The following TRIM8 variants were observed in gnomAD, a reference collection of about 807,000 sequenced individuals.
The protein encoded by TRIM8 is tripartite motif containing 8, also known as E3 ubiquitin-protein ligase TRIM8.
A neutral mutation model predicts 55.7 loss-of-function variants in TRIM8; 9 were observed. The observed-to-expected ratio is 0.16, with a 90% CI of 0.10 to 0.28. The LOEUF is 0.28. Ranked by LOEUF, TRIM8 falls within the 10% of genes least tolerant of loss-of-function variation. The pLI is 1.00. For synonymous variants in TRIM8, 335 were observed against 333.3 expected, an observed-to-expected ratio of 1.01 and a Z score of -0.06; for missense variants, 556 against 736.4, an observed-to-expected ratio of 0.76 and a Z score of 2.83.
At position 102,644,571 on chromosome 10, in the gene TRIM8, G is replaced by T. The variant is rs746204940; in HGVS notation, c.-47G>T. On this transcript the variant is annotated 5_prime_UTR_variant, in exon 1 of 6. Transcript: ENST00000643721. ...CAGCGGCTCCGGACGGACCCCCGGGGCTGGGGAGTCGGGGAGGCCTGCCCC... is the reference window on the plus strand; with the variant it reads ...CAGCGGCTCCGGACGGACCCCCGGGTCTGGGGAGTCGGGGAGGCCTGCCCC... 87 of 1,576,650 alleles carry T rather than the reference G, an allele frequency of 5.5e-5. 2 individuals are homozygous for T. The South Asian group carries it at 9.8e-4, about 18-fold the overall frequency.
intron 1 of TRIM8, among the ~76,000 whole-genome samples, chr10:102,647,822 T>C (rs1273812286): frequency 6.6e-6 from 1 of 152,200 alleles, no homozygotes; most frequent in African/African-American, 2.4e-5. Context: ...GTCAACTGGC[T>C]AGAAATAGGA....
Position 102,657,940 on chromosome 10 carries a change from C to T in TRIM8, c.*586C>T, listed in dbSNP as rs2064042678. On this transcript the variant is annotated 3_prime_UTR_variant, in exon 6 of 6. Transcript: ENST00000643721. ...CTTCCCAGACGGAGTTCAAAGGCCA[C>T]TTCTCAAGCAGCTTTTGGCACCTTC... 4 of 152,648 alleles carry T rather than the reference C, an allele frequency of 2.6e-5. No homozygotes were observed. In the South Asian group the frequency reaches 6.2e-4, roughly 24 times the overall value. 9.5% of individuals were successfully genotyped at this position (152,648 alleles called of 1,614,324 possible).
rs1458324018 is a variant in TRIM8, at chr10:102,657,794, T to C, written c.*440T>C. 6.2e-6 allele frequency: 1 copy of C among 160,418 alleles called. No individual in the cohort carries two copies. Among genetic ancestry groups the C allele is most frequent in the Admixed American group, 6.2e-5 (1 of 16,170 alleles). The allele number at this position is 160,418 out of a possible 1,614,324, so 9.9% of individuals were successfully genotyped here. ...GGCTTGTTTCTCCTCTTGTTTTCCT[T>C]TTGGGCAGTTTGATCACTGATCGAG... On this transcript the variant is annotated 3_prime_UTR_variant, in exon 6 of 6. Coordinates refer to ENST00000643721, the MANE Select transcript of TRIM8 (RefSeq NM_030912.3).
In TRIM8 at chr10:102,656,568, C is replaced by T; in HGVS notation, c.1049-179C>T. 1 of 1,306,130 alleles carries T rather than the reference C, an allele frequency of 7.7e-7. No individual in the cohort carries two copies. The highest frequency in any genetic ancestry group is 2.7e-4 in the Middle Eastern group (1 of 3,642). The allele number at this position is 1,306,130 out of a possible 1,614,324, so 80.9% of individuals were successfully genotyped here. A position where few individuals can be genotyped will look rare whatever the true frequency, so the allele number is the denominator to read the frequency against. ...ATGACCTCCCCAGCCTCCATTTCTT[C>T]AGCTTAAAGTGGGGATATAACTATT... is the stretch of plus-strand genomic sequence containing the variant. On this transcript the variant is annotated intron_variant, in intron 5 of 5. Coordinates refer to ENST00000643721, the MANE Select transcript of TRIM8 (RefSeq NM_030912.3). This position sits in a 1 kb window ranked among gnomAD's most constrained non-coding sequence, Gnocchi z 4.6.
intron 1 of TRIM8, 120 bp downstream of exon 1, chr10:102,645,307 C>A: frequency 8.6e-7 from 1 of 1,160,738 alleles, no homozygotes; most frequent in Non-Finnish European, 1.2e-6. Context: ...GGCCAGTGGC[C>A]CCTGGCCAAA....
rs747150406 is a variant in TRIM8, at chr10:102,656,994, C to G, written c.1296C>G (p.Ala432=). ...TQHLVALPGG[A]QPVHSSPVFP... ...ACTTGGTGGCCCTGCCGGGCGGCGC[C>G]CAACCAGTGCACTCAAGCCCCGTGT... Residue 432 remains alanine, a synonymous_variant, in exon 6 of 6, where the codon GCC becomes GCG. Coordinates refer to ENST00000643721, the MANE Select transcript of TRIM8 (RefSeq NM_030912.3). This position sits in a 1 kb window ranked among gnomAD's most constrained non-coding sequence, Gnocchi z 4.6. 4 of 1,612,542 alleles carry G rather than the reference C, an allele frequency of 2.5e-6. No homozygotes were observed. The highest frequency in any genetic ancestry group is 3.4e-6 in the Non-Finnish European group (4 of 1,179,790).
In TRIM8 at chr10:102,657,361, G is replaced by C; in HGVS notation, c.*7G>C. ...ACACTACGTGACGAGCTAACGCCACGCAGGCGGCGGGGCGCTGGGGAATCT... is the reference window on the plus strand; with the variant it reads ...ACACTACGTGACGAGCTAACGCCACCCAGGCGGCGGGGCGCTGGGGAATCT... On this transcript the variant is annotated 3_prime_UTR_variant, in exon 6 of 6. Transcript: ENST00000643721. 6.5e-7 allele frequency: 1 copy of C among 1,548,878 alleles called. No homozygotes were observed. Among genetic ancestry groups the C allele is most frequent in the African/African-American group, 1.4e-5 (1 of 73,364 alleles).
rs527396152 is a variant in TRIM8, at chr10:102,646,356, T to C, written c.570+1169T>C. ...ACTCTGGTGGGACTGGGAGTGTCTC[T>C]GGGTGGGGATCCCTGGAGGTTAGTG... On this transcript the variant is annotated intron_variant, in intron 1 of 5. Coordinates refer to ENST00000643721, the MANE Select transcript of TRIM8 (RefSeq NM_030912.3). 7.1e-4 allele frequency among the ~76,000 whole-genome samples: 108 copies of C among 152,250 alleles called. 1 individual carries two copies. Among genetic ancestry groups the C allele is most frequent in the Non-Finnish European group, 1.4e-3 (92 of 68,008 alleles).
chr10:102,645,292 C>A (rs1239817689), intron 1 of TRIM8, 105 bp downstream of exon 1: 3 of 1,287,748 alleles, frequency 2.3e-6, no homozygotes, highest in African/African-American at 3.1e-5. Context: ...ACTCTTGTGA[C>A]ATCAGGCCAG....
At chr10:102,654,870 T>A in intron 2 of TRIM8, 122 bp downstream of exon 2, 1 of 936,158 alleles carries the variant, frequency 1.1e-6, no homozygotes. Flanking sequence ...AGTCATTCAA[T>A]CAACTGCCCG....
In TRIM8 at chr10:102,646,980, T is replaced by C. The variant is rs552748764; in HGVS notation, c.570+1793T>C. ...ATTGGGGTGGGGGAGAAAACGTCATTATACCTGACTTGGTGTAGGAGGATA... is the reference window on the plus strand; with the variant it reads ...ATTGGGGTGGGGGAGAAAACGTCATCATACCTGACTTGGTGTAGGAGGATA... On this transcript the variant is annotated intron_variant, in intron 1 of 5. Coordinates refer to ENST00000643721, the MANE Select transcript of TRIM8 (RefSeq NM_030912.3). Among the ~76,000 whole-genome samples, 5 of 152,342 alleles carry C rather than the reference T, an allele frequency of 3.3e-5. 1 individual carries two copies. The highest frequency in any genetic ancestry group is 3.3e-4 in the Admixed American group (5 of 15,300).
At chr10:102,655,991 G>A in intron 3 of TRIM8, 115 bp from the exon 4 acceptor site, 2 of 1,487,316 alleles carry the variant, frequency 1.3e-6, no homozygotes, top group Non-Finnish European at 1.9e-6. Context: ...TCCAGAATGA[G>A]AGGATCCACC....
chr10:102,656,361 A>C lies in TRIM8; in HGVS notation c.1024A>C (p.Lys342Gln). ...CCTGAACGAAGTGGCCAAGAAGGAG[A>C]AGCAGCTGCGGAAAATGCTAGAAGG... ...LFLNEVAKKE[K>Q]QLRKMLEGPF... The change falls in exon 5 of 6, where the codon AAG (lysine) becomes CAG (glutamine). Residue 342 changes from lysine to glutamine, a missense_variant. Physicochemically the swap from Lys to Gln is moderately conservative, Grantham distance 53. Around this residue, in one of 2 missense-constraint regions of TRIM8, gnomAD observed 391 missense variants for 441.0 expected, o/e 0.89. Transcript: ENST00000643721. This position sits in a 1 kb window ranked among gnomAD's most constrained non-coding sequence, Gnocchi z 4.6. 1.2e-6 allele frequency: 2 copies of C among 1,613,718 alleles called. No individual in the cohort carries two copies. The highest frequency in any genetic ancestry group is 1.1e-5 in the South Asian group (1 of 91,010).
At chr10:102,651,988 CT>C (rs1212408720) in intron 1 of TRIM8, among the ~76,000 whole-genome samples, 5 of 152,218 alleles carry the variant, frequency 3.3e-5, no homozygotes, top group Admixed American at 3.3e-4. Context: ...CCAGGTGCCC[CT>C]GCGCCTGCCC....
Position 102,656,379 on chromosome 10 carries a change from C to T in TRIM8, c.1042C>T (p.Leu348=), listed in dbSNP as rs750788072. 10 of 1,612,010 alleles carry T rather than the reference C, an allele frequency of 6.2e-6. No individual in the cohort carries two copies. The highest frequency in any genetic ancestry group is 1.3e-5 in the African/African-American group (1 of 74,852). The change falls in exon 5 of 6, where the codon CTA becomes TTA. Residue 348 remains leucine, a synonymous_variant. Transcript: ENST00000643721. The surrounding 1 kb of genome is among the most constrained non-coding windows in gnomAD (Gnocchi z 4.6). The part of the protein sequence containing the change: ...AKKEKQLRKM[L]EGPFSTPVPF... ...GAAGGAGAAGCAGCTGCGGAAAATG[C>T]TAGAAGGTGAGGGTGGGGTGTTCCG...
At chr10:102,646,029 C>T (rs755131270) in intron 1 of TRIM8, among the ~76,000 whole-genome samples, 47 of 152,148 alleles carry the variant, frequency 3.1e-4, no homozygotes, top group Admixed American at 9.8e-4. Flanking sequence ...CAGCTGGCTC[C>T]CCTGGGCTGC....
chr10:102,656,665 GT>G lies in TRIM8; in HGVS notation c.1049-81del. 1.3e-6 allele frequency: 2 copies of G among 1,501,002 alleles called. No individual in the cohort carries two copies. The highest frequency in any genetic ancestry group is 2.8e-5 in the South Asian group (2 of 72,652). 93.0% of individuals were successfully genotyped at this position (1,501,002 alleles called of 1,614,324 possible). On this transcript the variant is annotated intron_variant, in intron 5 of 5. Coordinates refer to ENST00000643721, the MANE Select transcript of TRIM8 (RefSeq NM_030912.3). The surrounding 1 kb of genome is among the most constrained non-coding windows in gnomAD (Gnocchi z 4.6). Reference sequence around the variant, plus strand: ...ATTCTTGGGCCTCTAGGTGTCAATGGTCCCCAGGTCCAACCCAGGGAGAGGA... The same window carrying G: ...ATTCTTGGGCCTCTAGGTGTCAATGGCCCCAGGTCCAACCCAGGGAGAGGA...
At chr10:102,648,976 C>T (rs1017991796) in intron 1 of TRIM8, among the ~76,000 whole-genome samples, 3 of 152,056 alleles carry the variant, frequency 2.0e-5, no homozygotes, top group Admixed American at 6.5e-5. Flanking sequence ...CATGCACACA[C>T]TATTATTACT....
At chr10:102,648,793 G>A (rs1590105313) in intron 1 of TRIM8, among the ~76,000 whole-genome samples, 1 of 152,220 alleles carries the variant, frequency 6.6e-6, no homozygotes, top group South Asian at 2.1e-4. Context: ...TTGTGTGCAC[G>A]CACGTGTGTT....
Sources: allele counts gnomAD v4.1 joint callset (sites outside exome capture counted in the v4.1 genomes callset), GRCh38; gene constraint gnomAD v4.1.1; regional missense constraint gnomAD v4.1.1; non-coding constraint Gnocchi (gnomAD v3.1); transcripts MANE v1.5; gene names NCBI Gene and HGNC (gene_info 2026-07-23, HGNC 2026-07-21).